The following FMN1 variants were observed in gnomAD, a reference collection of about 807,000 sequenced individuals.
The protein encoded by FMN1 is formin-1.
In FMN1, 110 loss-of-function variants were observed where a neutral mutation model predicts 132.4. That is an observed-to-expected ratio of 0.83 (90% CI 0.71 to 0.97). FMN1 has a LOEUF of 0.97. FMN1 is among the 50% of genes least tolerant of loss of function. The pLI, the probability that FMN1 is intolerant of heterozygous loss-of-function variation, is 0.00. For missense variants in FMN1, 1,792 were observed against 1,705.3 expected (o/e 1.05, Z -0.90); for synonymous variants, 722 against 651.7 (o/e 1.11, Z -1.64).
At chr15:32,810,131 G>A (rs780377073) in intron 17 of FMN1, among the ~76,000 whole-genome samples, 6 of 152,022 alleles carry the variant, frequency 3.9e-5, no homozygotes, top group Non-Finnish European at 5.9e-5. Flanking sequence ...TGGCCAGGCT[G>A]GTCTCAAACT....
At chr15:32,917,354 C>T (rs1399418888) in intron 10 of FMN1, among the ~76,000 whole-genome samples, 1 of 152,150 alleles carries the variant, frequency 6.6e-6, no homozygotes, top group African/African-American at 2.4e-5. Context: ...CTGTGCAAAC[C>T]CAGATATGCA....
At chr15:32,908,603 C>CAAAAAAA in intron 11 of FMN1, 25 bp from the exon 12 acceptor site, 17 of 600,914 alleles carry the variant, frequency 2.8e-5, no homozygotes, top group Middle Eastern at 5.4e-4. Context: ...AAAACAAAAC[C>CAAAAAAA]AAAAAAAAAA....
At chr15:32,881,395 T>G (rs1194261725) in intron 16 of FMN1, among the ~76,000 whole-genome samples, 1 of 152,178 alleles carries the variant, frequency 6.6e-6, no homozygotes, top group Non-Finnish European at 1.5e-5. Context: ...GTTTTTGAGT[T>G]TCCAAAATTT....
intron 16 of FMN1, among the ~76,000 whole-genome samples, chr15:32,873,241 T>C (rs2059557954): frequency 6.6e-6 from 1 of 152,138 alleles, no homozygotes; most frequent in African/African-American, 2.4e-5. Context: ...ATAAACAAGG[T>C]TTCATATAAA....
At chr15:32,901,302 G>GA (rs1033095803) in intron 13 of FMN1, among the ~76,000 whole-genome samples, 4 of 151,900 alleles carry the variant, frequency 2.6e-5, no homozygotes, top group Non-Finnish European at 4.4e-5. Flanking sequence ...TATCTTAGAG[G>GA]AAAAAAAATC....
At position 32,866,943 on chromosome 15, in the gene FMN1, G is replaced by A. The variant is rs982478383; in HGVS notation, c.3836-9836C>T. 2.0e-5 allele frequency among the ~76,000 whole-genome samples: 3 copies of A among 152,150 alleles called. No individual in the cohort carries two copies. In the East Asian group the frequency reaches 5.8e-4, roughly 29 times the overall value. On this transcript the variant is annotated intron_variant, in intron 16 of 20. Coordinates refer to ENST00000616417, the MANE Select transcript of FMN1 (RefSeq NM_001277313.2). ...ATCTTCCTATACAGAGTCATTAAACGTTAAAGTTCTCTAGGGTTTGGCATA... is the reference window on the plus strand; with the variant it reads ...ATCTTCCTATACAGAGTCATTAAACATTAAAGTTCTCTAGGGTTTGGCATA...
chr15:33,024,849 A>C (rs2035592679), intron 6 of FMN1, among the ~76,000 whole-genome samples: 1 of 152,232 alleles, frequency 6.6e-6, no homozygotes, highest in Admixed American at 6.5e-5. Flanking sequence ...ACAAGCAATT[A>C]AGATGTACAT....
intron 7 of FMN1, among the ~76,000 whole-genome samples, chr15:32,992,726 A>G (rs2033512492): frequency 6.6e-6 from 1 of 152,220 alleles, no homozygotes; most frequent in Non-Finnish European, 1.5e-5. Flanking sequence ...CTCCTAAGAC[A>G]TGAAATTTTT....
At chr15:33,082,165 C>T (rs911509709) in intron 5 of FMN1, among the ~76,000 whole-genome samples, 6 of 150,282 alleles carry the variant, frequency 4.0e-5, no homozygotes, top group Non-Finnish European at 8.9e-5. Context: ...CCTCTGCCTC[C>T]CAGTTCAAGC....
In FMN1 at chr15:32,773,605, CACTTA is replaced by C. The variant is rs1479874918; in HGVS notation, c.*700_*704del. On this transcript the variant is annotated 3_prime_UTR_variant, in exon 21 of 21. Coordinates refer to ENST00000616417, the MANE Select transcript of FMN1 (RefSeq NM_001277313.2). The stretch of plus-strand genomic sequence containing the variant: ...CCGATGTAAAAACAAGAATGGGCCT[CACTTA>C]ACAACTGATGTCAACTCCTTGCATG... 1 of 152,108 alleles carries C rather than the reference CACTTA, an allele frequency of 6.6e-6. No homozygotes were observed. Among genetic ancestry groups the C allele is most frequent in the East Asian group, 1.9e-4 (1 of 5,198 alleles). The allele number at this position is 152,108 out of a possible 1,614,324, so 9.4% of individuals were successfully genotyped here.
intron 5 of FMN1, among the ~76,000 whole-genome samples, chr15:33,082,215 G>A (rs1056583871): frequency 2.6e-5 from 4 of 151,780 alleles, no homozygotes; most frequent in Admixed American, 6.6e-5. Flanking sequence ...TGGGATTACA[G>A]GCGCCCACCG....
intron 6 of FMN1, among the ~76,000 whole-genome samples, chr15:33,037,996 G>T (rs1236536545): frequency 6.6e-6 from 1 of 152,202 alleles, no homozygotes; most frequent in Non-Finnish European, 1.5e-5. Context: ...GCCAAGGCAG[G>T]CAGATCACTT....
At chr15:32,881,541 T>C (rs1430050914) in intron 16 of FMN1, among the ~76,000 whole-genome samples, 1 of 152,164 alleles carries the variant, frequency 6.6e-6, no homozygotes, top group Non-Finnish European at 1.5e-5. Flanking sequence ...TCCACCAAAG[T>C]CCTCCAAAAG....
At chr15:33,160,641 A>G (rs1416471564) in intron 3 of FMN1, among the ~76,000 whole-genome samples, 1 of 152,236 alleles carries the variant, frequency 6.6e-6, no homozygotes. Flanking sequence ...TCACAGGACT[A>G]TTTCAAACAG....
At chr15:32,943,198 T>C (rs1358061329) in intron 9 of FMN1, among the ~76,000 whole-genome samples, 2 of 152,178 alleles carry the variant, frequency 1.3e-5, no homozygotes, top group Non-Finnish European at 2.9e-5. Flanking sequence ...GTATACCAAA[T>C]ATCCACATAG....
At chr15:33,017,584 G>T (rs2035131523) in intron 6 of FMN1, among the ~76,000 whole-genome samples, 1 of 151,976 alleles carries the variant, frequency 6.6e-6, no homozygotes, top group African/African-American at 2.4e-5. Context: ...ATAAAATATT[G>T]GACAATAACT....
intron 4 of FMN1, among the ~76,000 whole-genome samples, chr15:33,089,294 G>C (rs1019553714): frequency 6.6e-6 from 1 of 152,152 alleles, no homozygotes; most frequent in Non-Finnish European, 1.5e-5. Flanking sequence ...GAAGTCAGGA[G>C]GTCTGGCCTG....
At chr15:32,803,882 A>C (rs1159089460) in intron 18 of FMN1, among the ~76,000 whole-genome samples, 1 of 152,154 alleles carries the variant, frequency 6.6e-6, no homozygotes, top group African/African-American at 2.4e-5. Flanking sequence ...CTGAGGAAAA[A>C]TATTCCTAAG....
intron 2 of FMN1, among the ~76,000 whole-genome samples, chr15:33,189,564 C>A (rs1966002896): frequency 6.6e-6 from 1 of 152,092 alleles, no homozygotes; most frequent in Admixed American, 6.6e-5. Context: ...CATGATAAAG[C>A]CAGGAACGTT....
Sources: gnomAD v4.1 joint callset for allele counts (sites outside exome capture counted in the v4.1 genomes callset) on GRCh38, gnomAD v4.1.1 for gene constraint, MANE v1.5 for transcripts, NCBI Gene and HGNC (gene_info 2026-07-23, HGNC 2026-07-21) for gene names.